FAM135B: variants seen among roughly 807,000 people sequenced by gnomAD.
FAM135B encodes the protein family with sequence similarity 135 member B, also known as protein FAM135B.
In FAM135B, 43 loss-of-function variants were observed where a neutral mutation model predicts 127.7. The observed-to-expected ratio is 0.34, with a 90% CI of 0.26 to 0.43. The LOEUF is 0.43. FAM135B is among the 20% of genes least tolerant of loss of function. FAM135B has a pLI of 1.00. For synonymous variants in FAM135B, 670 were observed against 665.1 expected, an observed-to-expected ratio of 1.01 and a Z score of -0.11; for missense variants, 1,558 against 1,725.6, an observed-to-expected ratio of 0.90 and a Z score of 1.72.
intron 1 of FAM135B, among the ~76,000 whole-genome samples, chr8:138,436,267 T>G (rs964191141): frequency 1.3e-5 from 2 of 152,198 alleles, no homozygotes; most frequent in Non-Finnish European, 2.9e-5. Flanking sequence ...GTAAGATCAA[T>G]GGATATAAAT....
chr8:138,474,989 A>G (rs1349903994), intron 1 of FAM135B, among the ~76,000 whole-genome samples: 1 of 152,204 alleles, frequency 6.6e-6, no homozygotes, highest in Non-Finnish European at 1.5e-5. Flanking sequence ...TGTCTGTGAC[A>G]CGCATTCTCA....
intron 1 of FAM135B, among the ~76,000 whole-genome samples, chr8:138,480,574 G>A (rs1814731542): frequency 6.6e-6 from 1 of 152,036 alleles, no homozygotes; most frequent in Non-Finnish European, 1.5e-5. Context: ...GAGAAATAAA[G>A]AATATATGAG....
At chr8:138,214,063 C>G (rs1284755980) in intron 7 of FAM135B, among the ~76,000 whole-genome samples, 1 of 152,140 alleles carries the variant, frequency 6.6e-6, no homozygotes, top group South Asian at 2.1e-4. Flanking sequence ...TGACACCAGT[C>G]TCCCATCCCA....
intron 7 of FAM135B, among the ~76,000 whole-genome samples, chr8:138,226,184 T>TGTGTGTGTGTGTGTGTGTGTGCGCGC: frequency 2.2e-5 from 3 of 139,202 alleles, no homozygotes; most frequent in South Asian, 2.3e-4. Context: ...TGTGTGTGTG[T>TGTGTGTGTGTGTGTGTGTGTGCGCGC]GCGCGCATGT....
chr8:138,371,593 G>A (rs1831127287), intron 1 of FAM135B, among the ~76,000 whole-genome samples: 1 of 152,132 alleles, frequency 6.6e-6, no homozygotes, highest in African/African-American at 2.4e-5. Flanking sequence ...GGCAGGACAT[G>A]ATTCAGATCT....
intron 1 of FAM135B, among the ~76,000 whole-genome samples, chr8:138,377,747 C>A (rs1202968911): frequency 6.6e-6 from 1 of 152,138 alleles, no homozygotes; most frequent in African/African-American, 2.4e-5. Flanking sequence ...CCCAGATTAC[C>A]CTGTGAGAAT....
chr8:138,363,159 C>G (rs771393204), intron 2 of FAM135B, among the ~76,000 whole-genome samples: 11 of 152,222 alleles, frequency 7.2e-5, no homozygotes, highest in Non-Finnish European at 1.3e-4. Flanking sequence ...AAGAGGGAAG[C>G]AAGGTGGTCA....
intron 7 of FAM135B, among the ~76,000 whole-genome samples, chr8:138,202,316 C>T (rs114682944): frequency 2.3e-3 from 356 of 152,008 alleles, no homozygotes; most frequent in African/African-American, 7.8e-3. Context: ...GTGGCGCAAT[C>T]ATGGCTCATT....
rs370755519 is a variant in FAM135B, at chr8:138,236,668, G to A, written c.669+6274C>T. On this transcript the variant is annotated intron_variant, in intron 7 of 19. Transcript: ENST00000395297. Reference sequence around the variant, plus strand: ...AAAGGAAGTATGAAAGGGCCATTCTGTGAATTGAAGAAGTCCATGCACATA... The same window carrying A: ...AAAGGAAGTATGAAAGGGCCATTCTATGAATTGAAGAAGTCCATGCACATA... Among the ~76,000 whole-genome samples, 18 of 152,344 alleles carry A rather than the reference G, an allele frequency of 1.2e-4. No individual in the cohort carries two copies. The East Asian group carries it at 2.5e-3, about 21-fold the overall frequency.
At chr8:138,491,235 A>C (rs1031828324) in intron 1 of FAM135B, among the ~76,000 whole-genome samples, 1 of 152,196 alleles carries the variant, frequency 6.6e-6, no homozygotes. Context: ...CTATATCATC[A>C]ATTAAAACAT....
intron 3 of FAM135B, among the ~76,000 whole-genome samples, chr8:138,268,745 G>T (rs761085189): frequency 6.6e-6 from 1 of 152,150 alleles, no homozygotes; most frequent in Non-Finnish European, 1.5e-5. Flanking sequence ...CATACTTTGG[G>T]ATGGCAGTCT....
chr8:138,162,387 G>C (rs1045927499), intron 12 of FAM135B, among the ~76,000 whole-genome samples: 3 of 152,128 alleles, frequency 2.0e-5, no homozygotes, highest in Non-Finnish European at 2.9e-5. Flanking sequence ...CTCATTATAC[G>C]TCTGTCCAAA....
intron 3 of FAM135B, among the ~76,000 whole-genome samples, chr8:138,283,702 G>A (rs1824454277): frequency 6.6e-6 from 1 of 152,128 alleles, no homozygotes; most frequent in South Asian, 2.1e-4. Flanking sequence ...ACGAAAGGCA[G>A]TTACTATGTA....
At chr8:138,317,814 A>G (rs1296422886) in intron 2 of FAM135B, among the ~76,000 whole-genome samples, 1 of 152,206 alleles carries the variant, frequency 6.6e-6, no homozygotes, top group Non-Finnish European at 1.5e-5. Context: ...ACAATAACCT[A>G]CCATCAGAAA....
intron 9 of FAM135B, among the ~76,000 whole-genome samples, chr8:138,181,021 A>G (rs1164155949): frequency 7.3e-5 from 11 of 151,272 alleles, no homozygotes; most frequent in Admixed American, 7.2e-4. Context: ...CAGGCGGATC[A>G]CGAGGTCAAG....
intron 4 of FAM135B, among the ~76,000 whole-genome samples, chr8:138,258,826 C>CACACACAT (rs1331655833): frequency 7.7e-6 from 1 of 129,098 alleles, no homozygotes; most frequent in African/African-American, 2.7e-5. Flanking sequence ...CACACACACA[C>CACACACAT]ACACACACAC....
At chr8:138,154,506 A>T (rs183755659) in intron 12 of FAM135B, among the ~76,000 whole-genome samples, 36 of 152,276 alleles carry the variant, frequency 2.4e-4, no homozygotes, top group Middle Eastern at 6.8e-3. Flanking sequence ...AGGCCAAAGG[A>T]GGATGTTCAA....
At chr8:138,251,294 T>C (rs901594846) in intron 5 of FAM135B, among the ~76,000 whole-genome samples, 2 of 152,170 alleles carry the variant, frequency 1.3e-5, no homozygotes, top group African/African-American at 4.8e-5. Context: ...CAGTGATGGA[T>C]AAGAAGCCCA....
At chr8:138,208,230 C>T (rs1817855209) in intron 7 of FAM135B, among the ~76,000 whole-genome samples, 1 of 151,980 alleles carries the variant, frequency 6.6e-6, no homozygotes. Flanking sequence ...AGTGGTGTTC[C>T]CATTTCAACA....
Sources: gnomAD v4.1 joint callset for allele counts (sites outside exome capture counted in the v4.1 genomes callset) on GRCh38, gnomAD v4.1.1 for gene constraint, MANE v1.5 for transcripts, NCBI Gene and HGNC (gene_info 2026-07-23, HGNC 2026-07-21) for gene names.